Variants in FAM110B observed in about 807,000 individuals in gnomAD.
FAM110B encodes protein FAM110B.
FAM110B carries 6 observed loss-of-function variants against 20.4 expected under a neutral mutation model. The ratio of observed to expected loss-of-function variants is 0.29; its 90% confidence interval spans 0.16 to 0.58. FAM110B has a LOEUF of 0.58. Among genes scored for constraint, FAM110B ranks in the 20% least tolerant of loss-of-function variants. FAM110B has a pLI of 0.90. For missense variants in FAM110B, 434 were observed against 498.2 expected, an observed-to-expected ratio of 0.87 and a Z score of 1.23; for synonymous variants, 226 against 214.1, an observed-to-expected ratio of 1.06 and a Z score of -0.49.
chr8:58,102,971 G>A (rs1479967735), intron 3 of FAM110B, among the ~76,000 whole-genome samples: 1 of 131,510 alleles, frequency 7.6e-6, no homozygotes, highest in African/African-American at 2.8e-5. Flanking sequence ...TCTTTTACCT[G>A]AGCAGTATTA....
chr8:58,103,226 G>A (rs1460941791), intron 3 of FAM110B, among the ~76,000 whole-genome samples: 3 of 151,388 alleles, frequency 2.0e-5, no homozygotes, highest in Non-Finnish European at 4.4e-5. Flanking sequence ...CAGTGTGCAG[G>A]TTAGTTACAT....
intron 2 of FAM110B, among the ~76,000 whole-genome samples, chr8:58,035,525 T>C (rs1404011442): frequency 6.6e-6 from 1 of 152,218 alleles, no homozygotes. Context: ...CATAATTCAC[T>C]GTAAGTCACC....
chr8:58,028,116 T>A (rs1479662010), intron 1 of FAM110B, among the ~76,000 whole-genome samples: 1 of 152,220 alleles, frequency 6.6e-6, no homozygotes, highest in East Asian at 1.9e-4. Flanking sequence ...TTATATTTTC[T>A]TTTCGAGATG....
chr8:58,023,911 T>C (rs1804804417), intron 1 of FAM110B, among the ~76,000 whole-genome samples: 1 of 152,232 alleles, frequency 6.6e-6, no homozygotes, highest in Non-Finnish European at 1.5e-5. Context: ...AGCACTCTTT[T>C]TAAAAAGCTG....
intron 2 of FAM110B, among the ~76,000 whole-genome samples, chr8:58,064,789 T>C (rs992782239): frequency 2.0e-5 from 3 of 152,192 alleles, no homozygotes; most frequent in South Asian, 2.1e-4. Context: ...AGTTAAGTAG[T>C]TTACAAAAGG....
At chr8:58,103,766 A>G (rs983945397) in intron 3 of FAM110B, among the ~76,000 whole-genome samples, 1 of 152,208 alleles carries the variant, frequency 6.6e-6, no homozygotes, top group Non-Finnish European at 1.5e-5. Context: ...AACCATTTCT[A>G]GAAGGCCCCT....
At chr8:58,111,275 T>C (rs1807052564) in intron 3 of FAM110B, among the ~76,000 whole-genome samples, 1 of 152,230 alleles carries the variant, frequency 6.6e-6, no homozygotes, top group South Asian at 2.1e-4. Flanking sequence ...ACTCTCCATG[T>C]GATGGGTATG....
At chr8:58,042,098 G>T (rs76338912) in intron 2 of FAM110B, among the ~76,000 whole-genome samples, 1,628 of 152,260 alleles carry the variant, frequency 0.011, 37 homozygotes, top group African/African-American at 0.037. Flanking sequence ...AATTTTTTAT[G>T]TGACTGTTAT....
chr8:58,129,400 A>T (rs1282665717), intron 3 of FAM110B, among the ~76,000 whole-genome samples: 3 of 152,368 alleles, frequency 2.0e-5, no homozygotes, highest in Middle Eastern at 3.4e-3. Context: ...CAAATATAAC[A>T]TGACCTTTTA....
intron 1 of FAM110B, among the ~76,000 whole-genome samples, chr8:57,995,091 C>A (rs994404849): frequency 6.6e-6 from 1 of 152,088 alleles, no homozygotes; most frequent in African/African-American, 2.4e-5. Context: ...CTTGGCTGCA[C>A]GTCCCGGGCT....
At chr8:58,017,511 T>G (rs1371390697) in intron 1 of FAM110B, among the ~76,000 whole-genome samples, 1 of 152,162 alleles carries the variant, frequency 6.6e-6, no homozygotes, top group Non-Finnish European at 1.5e-5. Context: ...AGAGCTTAGC[T>G]TTGCTCTCAA....
chr8:58,102,302 T>G (rs899277995), intron 3 of FAM110B, among the ~76,000 whole-genome samples: 18 of 152,182 alleles, frequency 1.2e-4, no homozygotes, highest in African/African-American at 4.3e-4. Flanking sequence ...AAACCTTAAT[T>G]TATTTCTGTT....
intron 3 of FAM110B, among the ~76,000 whole-genome samples, chr8:58,142,986 G>A (rs1476471293): frequency 6.6e-6 from 1 of 152,210 alleles, no homozygotes; most frequent in African/African-American, 2.4e-5. Context: ...AGCCAGTAGA[G>A]TATCATGTGC....
chr8:58,109,511 T>A lies in FAM110B; in HGVS notation c.-325+33888T>A, dbSNP rs966480848. 2.0e-5 allele frequency among the ~76,000 whole-genome samples: 3 copies of A among 152,194 alleles called. No individual in the cohort carries two copies. In the East Asian group the frequency reaches 5.8e-4, roughly 29 times the overall value. ...ATGATTTTGTTTCCTATGATACTGATCCTGCACAAGTTTTTTTCTTTTTTT... is the reference window on the plus strand; with the variant it reads ...ATGATTTTGTTTCCTATGATACTGAACCTGCACAAGTTTTTTTCTTTTTTT... On this transcript the variant is annotated intron_variant, in intron 3 of 3. Coordinates refer to ENST00000519262, the MANE Select transcript of FAM110B (RefSeq NM_001377989.1).
chr8:58,104,408 A>T (rs895257113), intron 3 of FAM110B, among the ~76,000 whole-genome samples: 1 of 152,214 alleles, frequency 6.6e-6, no homozygotes, highest in Non-Finnish European at 1.5e-5. Flanking sequence ...TATATGGGCC[A>T]TTTGCTTGCT....
chr8:58,040,444 T>C (rs1805189762), intron 2 of FAM110B, among the ~76,000 whole-genome samples: 1 of 152,130 alleles, frequency 6.6e-6, no homozygotes, highest in Non-Finnish European at 1.5e-5. Flanking sequence ...TCCTGCACAG[T>C]CATCTTGTCA....
rs188783260 is a variant in FAM110B at position 58,063,706 on chromosome 8, G to T, written c.-413-11829G>T. On this transcript the variant is annotated intron_variant, in intron 2 of 3. Transcript: ENST00000519262. ...TGATTTATAACTTACCTAATATTCA[G>T]CTATATTTTCATTTGGTAAATATTT... 2.4e-3 allele frequency among the ~76,000 whole-genome samples: 360 copies of T among 152,072 alleles called. 3 individuals carry two copies. The highest frequency in any genetic ancestry group is 0.014 in the South Asian group (66 of 4,818).
At position 58,008,589 on chromosome 8, in the gene FAM110B, G is replaced by A. The variant is rs900668052; in HGVS notation, c.-512+13783G>A. 5.9e-5 allele frequency among the ~76,000 whole-genome samples: 9 copies of A among 152,132 alleles called. No homozygotes were observed. In the East Asian group the frequency reaches 1.7e-3, roughly 29 times the overall value. ...AAACATTTTTTTGTGTGTATGTTAG[G>A]AATATTCAGAATCCTCTCTTCTAGC... On this transcript the variant is annotated intron_variant, in intron 1 of 3. Coordinates refer to ENST00000519262, the MANE Select transcript of FAM110B (RefSeq NM_001377989.1).
At chr8:58,011,403 C>T (rs959455092) in intron 1 of FAM110B, among the ~76,000 whole-genome samples, 8 of 152,142 alleles carry the variant, frequency 5.3e-5, no homozygotes, top group African/African-American at 9.7e-5. Context: ...AGACATTAAA[C>T]GGTTTCAGCA....
Sources: gnomAD v4.1 joint callset for allele counts (sites outside exome capture counted in the v4.1 genomes callset) on GRCh38, gnomAD v4.1.1 for gene constraint, MANE v1.5 for transcripts, NCBI Gene and HGNC (gene_info 2026-07-23, HGNC 2026-07-21) for gene names.